The following MDGA2 variants were observed in gnomAD, a reference collection of about 807,000 sequenced individuals.
MDGA2 encodes MAM domain containing glycosylphosphatidylinositol anchor 2, also known as MAM domain-containing glycosylphosphatidylinositol anchor protein 2.
A neutral mutation model predicts 117.8 loss-of-function variants in MDGA2; 40 were observed. The observed-to-expected ratio is 0.34, with a 90% confidence interval of 0.26 to 0.44. The LOEUF is 0.44. Ranked by LOEUF, MDGA2 falls within the 20% of genes least tolerant of loss-of-function variation. The pLI, the probability that MDGA2 is intolerant of heterozygous loss-of-function variation, is 1.00. For synonymous variants in MDGA2, 452 were observed against 439.0 expected (o/e 1.03, Z -0.37); for missense variants, 1,123 against 1,250.6 (o/e 0.90, Z 1.54).
At chr14:47,609,352 A>G (rs1482927058) in intron 1 of MDGA2, among the ~76,000 whole-genome samples, 1 of 144,298 alleles carries the variant, frequency 6.9e-6, no homozygotes, top group Non-Finnish European at 1.5e-5. Context: ...CACATAGAAT[A>G]ATAGTCTCCA....
chr14:47,270,283 T>C (rs993460101), intron 2 of MDGA2, among the ~76,000 whole-genome samples: 1 of 152,146 alleles, frequency 6.6e-6, no homozygotes, highest in African/African-American at 2.4e-5. Context: ...ACCAGAATTT[T>C]CTACTGCGTG....
chr14:46,885,879 AG>A (rs1304496067), intron 10 of MDGA2, among the ~76,000 whole-genome samples: 2 of 152,142 alleles, frequency 1.3e-5, no homozygotes, highest in Non-Finnish European at 2.9e-5. Flanking sequence ...TCTGAGTTTA[AG>A]AAACCTTAGT....
intron 1 of MDGA2, among the ~76,000 whole-genome samples, chr14:47,380,614 A>C (rs1891597183): frequency 6.6e-6 from 1 of 152,146 alleles, no homozygotes; most frequent in East Asian, 1.9e-4. Flanking sequence ...AATCTAGAAG[A>C]AATGGATAAA....
At chr14:46,993,586 C>A (rs1014229531) in intron 8 of MDGA2, among the ~76,000 whole-genome samples, 2 of 151,792 alleles carry the variant, frequency 1.3e-5, no homozygotes, top group Non-Finnish European at 2.9e-5. Flanking sequence ...ATCAGCCTCC[C>A]GAGTATCTGG....
intron 14 of MDGA2, among the ~76,000 whole-genome samples, chr14:46,858,629 G>A (rs770472517): frequency 2.4e-4 from 37 of 151,572 alleles, no homozygotes; most frequent in Non-Finnish European, 4.9e-4. Flanking sequence ...GGGTTTCACC[G>A]TGTTAGCCAG....
rs142583730 is a variant in MDGA2 at position 47,475,240 on chromosome 14, T to C, written c.281-173690A>G. Reference sequence around the variant, plus strand: ...ACATATTGAAGGTCAACTTCACTCATCATTAGAGAAATGCAAATCAGTACC... The same window carrying C: ...ACATATTGAAGGTCAACTTCACTCACCATTAGAGAAATGCAAATCAGTACC... On this transcript the variant is annotated intron_variant, in intron 1 of 16. Transcript: ENST00000399232. Among the ~76,000 whole-genome samples, 428 of 152,288 alleles carry C rather than the reference T, an allele frequency of 2.8e-3. 1 individual carries two copies. The highest frequency in any genetic ancestry group is 9.8e-3 in the African/African-American group (407 of 41,586).
intron 9 of MDGA2, among the ~76,000 whole-genome samples, chr14:46,941,071 A>T (rs1462013692): frequency 6.6e-6 from 1 of 152,234 alleles, no homozygotes; most frequent in Non-Finnish European, 1.5e-5. Context: ...TTTGAATCCT[A>T]GAACAAGAAA....
intron 1 of MDGA2, among the ~76,000 whole-genome samples, chr14:47,461,499 A>AAT (rs2138592705): frequency 6.6e-6 from 1 of 152,254 alleles, no homozygotes; most frequent in Admixed American, 6.5e-5. Flanking sequence ...CTGTGAAAAA[A>AAT]TGGAAGCAAT....
At chr14:47,579,134 C>G (rs1896181079) in intron 1 of MDGA2, among the ~76,000 whole-genome samples, 1 of 151,908 alleles carries the variant, frequency 6.6e-6, no homozygotes, top group African/African-American at 2.4e-5. Context: ...ACATACTAAC[C>G]TCTTTTCCAA....
chr14:47,523,214 C>T (rs189305544), intron 1 of MDGA2, among the ~76,000 whole-genome samples: 1 of 152,156 alleles, frequency 6.6e-6, no homozygotes, highest in Non-Finnish European at 1.5e-5. Flanking sequence ...CCATATTTCT[C>T]GCTTATTCAG....
intron 1 of MDGA2, among the ~76,000 whole-genome samples, chr14:47,532,810 T>C (rs1895126947): frequency 6.6e-6 from 1 of 152,206 alleles, no homozygotes; most frequent in South Asian, 2.1e-4. Flanking sequence ...CCAGATGTAG[T>C]ACAGATTAGG....
intron 8 of MDGA2, among the ~76,000 whole-genome samples, chr14:46,987,727 T>G (rs972068764): frequency 1.3e-5 from 2 of 151,982 alleles, no homozygotes; most frequent in African/African-American, 4.8e-5. Context: ...ACAGTGAAAC[T>G]TACAACTATG....
intron 6 of MDGA2, among the ~76,000 whole-genome samples, chr14:47,072,671 G>T (rs144525459): frequency 1.3e-5 from 2 of 152,038 alleles, no homozygotes; most frequent in African/African-American, 4.8e-5. Flanking sequence ...TCAGGTTTTG[G>T]TATAGAGTCC....
chr14:47,523,599 A>G (rs1210645587), intron 1 of MDGA2, among the ~76,000 whole-genome samples: 3 of 152,120 alleles, frequency 2.0e-5, no homozygotes, highest in Admixed American at 6.6e-5. Context: ...GAGGGATGAC[A>G]ACAGGTAAGG....
intron 10 of MDGA2, among the ~76,000 whole-genome samples, chr14:46,901,310 G>T (rs1434265997): frequency 6.6e-6 from 1 of 152,000 alleles, no homozygotes; most frequent in Non-Finnish European, 1.5e-5. Context: ...TTGTGCACAT[G>T]TACCCTAAAA....
At chr14:46,861,519 G>C (rs1484757478) in intron 14 of MDGA2, among the ~76,000 whole-genome samples, 1 of 151,802 alleles carries the variant, frequency 6.6e-6, no homozygotes, top group Non-Finnish European at 1.5e-5. Context: ...AAGAAGCCAG[G>C]TGTAAATTAT....
At chr14:47,525,953 C>T (rs1894966022) in intron 1 of MDGA2, among the ~76,000 whole-genome samples, 1 of 151,968 alleles carries the variant, frequency 6.6e-6, no homozygotes, top group Non-Finnish European at 1.5e-5. Context: ...TTTAAATATT[C>T]TTCTTCATTT....
intron 1 of MDGA2, among the ~76,000 whole-genome samples, chr14:47,659,260 A>G (rs1897801782): frequency 6.6e-6 from 1 of 152,330 alleles, no homozygotes; most frequent in East Asian, 1.9e-4. Flanking sequence ...ATTCTGCTTT[A>G]CTATTTTCAT....
chr14:46,916,935 G>C (rs990901986), intron 10 of MDGA2, among the ~76,000 whole-genome samples: 3 of 151,872 alleles, frequency 2.0e-5, no homozygotes, highest in African/African-American at 7.3e-5. Context: ...TAAAGAGTTA[G>C]CTTCAAAAAT....
Sources: allele counts gnomAD v4.1 joint callset (sites outside exome capture counted in the v4.1 genomes callset), GRCh38; gene constraint gnomAD v4.1.1; transcripts MANE v1.5; gene names NCBI Gene and HGNC (gene_info 2026-07-23, HGNC 2026-07-21).